METTL15: variants seen among roughly 807,000 people sequenced by gnomAD.
The protein encoded by METTL15 is methyltransferase 15, mitochondrial 12S rRNA N4-cytidine, also known as 12S rRNA N(4)-cytidine methyltransferase METTL15.
A neutral mutation model predicts 38.3 loss-of-function variants in METTL15; 34 were observed. That is an observed-to-expected ratio of 0.89 (90% CI 0.68 to 1.18). The LOEUF is 1.18. METTL15 is among the 50% of genes most tolerant of loss of function. The pLI is 0.00. For missense variants in METTL15, 438 were observed against 498.4 expected, an observed-to-expected ratio of 0.88 and a Z score of 1.15; for synonymous variants, 162 against 170.9, an observed-to-expected ratio of 0.95 and a Z score of 0.41.
At chr11:28,289,472 C>G (rs1856423622) in intron 4 of METTL15, among the ~76,000 whole-genome samples, 1 of 152,134 alleles carries the variant, frequency 6.6e-6, no homozygotes, top group African/African-American at 2.4e-5. Context: ...GCCCAATTTT[C>G]TCTTCTCATT....
chr11:28,298,986 C>G (rs1856828330), intron 6 of METTL15, among the ~76,000 whole-genome samples: 1 of 152,040 alleles, frequency 6.6e-6, no homozygotes, highest in African/African-American at 2.4e-5. Flanking sequence ...AGTTTATAGA[C>G]TAATAGATTA....
At position 28,342,274 on chromosome 11, in the gene METTL15, T is replaced by G. The variant is rs183855123; in HGVS notation, c.*190-9816T>G. ...TTTTTATTTTTATTTTTATTTTTAT[T>G]TTTTTGTGATACAGGGTCTTGCTCT... is the stretch of plus-strand genomic sequence containing the variant. On this transcript the variant is annotated intron_variant and NMD_transcript_variant, in intron 3 of 7. Coordinates refer to the METTL15 transcript ENST00000532947. Among the ~76,000 whole-genome samples the G allele has an allele frequency of 2.9e-3, 440 of 152,224 alleles. 1 individual carries two copies. The highest frequency in any genetic ancestry group is 4.3e-3 in the Non-Finnish European group (294 of 68,018).
At chr11:28,189,956 T>C (rs1187901715) in intron 3 of METTL15, among the ~76,000 whole-genome samples, 1 of 151,308 alleles carries the variant, frequency 6.6e-6, no homozygotes, top group Non-Finnish European at 1.5e-5. Context: ...GCTATTGATT[T>C]ATAATTTGTT....
intron 4 of METTL15, among the ~76,000 whole-genome samples, chr11:28,241,555 A>C (rs900601491): frequency 6.6e-5 from 10 of 151,728 alleles, no homozygotes; most frequent in African/African-American, 2.4e-4. Flanking sequence ...AAAAAAAAAA[A>C]GAAAACCAGA....
intron 4 of METTL15, among the ~76,000 whole-genome samples, chr11:28,226,920 GA>G (rs1853503240): frequency 6.6e-6 from 1 of 151,754 alleles, no homozygotes; most frequent in Non-Finnish European, 1.5e-5. Flanking sequence ...AAACAAGCAT[GA>G]AAAAAGACAA....
chr11:28,269,345 A>G (rs1472749293), intron 4 of METTL15, among the ~76,000 whole-genome samples: 1 of 152,036 alleles, frequency 6.6e-6, no homozygotes, highest in Non-Finnish European at 1.5e-5. Context: ...ATGCATGTGC[A>G]TGTATGTAAC....
intron 3 of METTL15, among the ~76,000 whole-genome samples, chr11:28,120,727 C>G (rs1298340995): frequency 6.6e-6 from 1 of 152,088 alleles, no homozygotes; most frequent in African/African-American, 2.4e-5. Context: ...TATACTTGCC[C>G]TTTTCCCTGT....
At chr11:28,305,770 A>G (rs1393206150) in intron 6 of METTL15, among the ~76,000 whole-genome samples, 1 of 152,116 alleles carries the variant, frequency 6.6e-6, no homozygotes, top group Non-Finnish European at 1.5e-5. Flanking sequence ...TTATTTTTGT[A>G]TAGTGAGAGG....
chr11:28,129,054 C>T (rs1279076171), intron 3 of METTL15, among the ~76,000 whole-genome samples: 2 of 152,056 alleles, frequency 1.3e-5, no homozygotes, highest in Non-Finnish European at 2.9e-5. Context: ...CTCAACTTGT[C>T]CTCATAGGAC....
chr11:28,210,054 A>G lies in METTL15; in HGVS notation c.271-1008A>G, dbSNP rs1442116990. Among the ~76,000 whole-genome samples, 4 of 152,084 alleles carry G rather than the reference A, an allele frequency of 2.6e-5. No homozygotes were observed. The South Asian group carries it at 6.2e-4, about 24-fold the overall frequency. The stretch of plus-strand genomic sequence containing the variant: ...TGTCTTGACTTGCAAACTAGTTACA[A>G]TCAACTAACTTGTACACACATATGT... On this transcript the variant is annotated intron_variant, in intron 3 of 6. Transcript: ENST00000407364.
chr11:28,240,460 G>A (rs752256832), intron 4 of METTL15, among the ~76,000 whole-genome samples: 37 of 152,068 alleles, frequency 2.4e-4, no homozygotes, highest in Non-Finnish European at 4.3e-4. Context: ...ATGTGTATTC[G>A]CATTCATTTA....
At chr11:28,266,672 T>G (rs1442638591) in intron 4 of METTL15, among the ~76,000 whole-genome samples, 1 of 152,194 alleles carries the variant, frequency 6.6e-6, no homozygotes, top group Non-Finnish European at 1.5e-5. Context: ...GGACATAGAC[T>G]GCACCACCTC....
intron 6 of METTL15, among the ~76,000 whole-genome samples, chr11:28,438,672 C>CTTTTTTTTTT (rs1171439330): frequency 5.5e-5 from 7 of 128,194 alleles, no homozygotes; most frequent in South Asian, 2.6e-4. Flanking sequence ...TTTCTTTTTT[C>CTTTTTTTTTT]TTTTTTTTTT....
At chr11:28,402,963 C>A (rs1160777396) in intron 5 of METTL15, among the ~76,000 whole-genome samples, 2 of 151,946 alleles carry the variant, frequency 1.3e-5, no homozygotes, top group Non-Finnish European at 2.9e-5. Flanking sequence ...TTATTTCACT[C>A]AGAAACAGAG....
rs143182792 is a variant in METTL15 at position 28,236,866 on chromosome 11, C to A, written c.407+25668C>A. 2.5e-4 allele frequency among the ~76,000 whole-genome samples: 38 copies of A among 152,186 alleles called. No homozygotes were observed. In the East Asian group the frequency reaches 6.6e-3, roughly 26 times the overall value. ...TATTTCTCCTTCAATTATGAAGCTT[C>A]GTTTGGCTGGATATGAAATTCTGGG... On this transcript the variant is annotated intron_variant, in intron 4 of 6. Coordinates refer to ENST00000407364, the MANE Select transcript of METTL15 (RefSeq NM_001113528.2).
chr11:28,392,500 C>T (rs1850521478), intron 5 of METTL15, among the ~76,000 whole-genome samples: 1 of 151,988 alleles, frequency 6.6e-6, no homozygotes, highest in Non-Finnish European at 1.5e-5. Flanking sequence ...ATAGTCTCTT[C>T]AACAAATGAT....
chr11:28,257,842 C>CT (rs1466521969), intron 4 of METTL15, among the ~76,000 whole-genome samples: 1 of 152,146 alleles, frequency 6.6e-6, no homozygotes, highest in Non-Finnish European at 1.5e-5. Context: ...TTTGAATTCT[C>CT]TGTCTGAAAG....
rs538375642 is a variant in METTL15, at chr11:28,441,903, C to T, written c.*424+17539C>T. 2.6e-5 allele frequency among the ~76,000 whole-genome samples: 4 copies of T among 152,274 alleles called. No individual in the cohort carries two copies. The South Asian group carries it at 8.3e-4, about 32-fold the overall frequency. On this transcript the variant is annotated intron_variant and NMD_transcript_variant, in intron 6 of 7. Coordinates refer to the METTL15 transcript ENST00000532947. ...TTCATTCTAGAAAATACTAATTACT[C>T]TCTAGCCTTCAAACATAGCTTATGG...
At chr11:28,197,543 C>CA in intron 3 of METTL15, 1 of 442,982 alleles carries the variant, frequency 2.3e-6, no homozygotes, top group Non-Finnish European at 4.7e-6. Flanking sequence ...AACTGAGGCT[C>CA]AGAGAAGTTA....
Sources: allele counts gnomAD v4.1 joint callset (sites outside exome capture counted in the v4.1 genomes callset), GRCh38; gene constraint gnomAD v4.1.1; transcripts MANE v1.5; gene names NCBI Gene and HGNC (gene_info 2026-07-23, HGNC 2026-07-21).